Variants in RPS6KC1 observed in about 807,000 individuals in gnomAD.
RPS6KC1 encodes inactive ribosomal protein S6 kinase delta-1.
Under a neutral mutation model 103.8 loss-of-function variants are expected in RPS6KC1, and 54 were observed. That is an observed-to-expected ratio of 0.52 (90% CI 0.42 to 0.65). RPS6KC1 has a LOEUF of 0.65. RPS6KC1 is among the 30% of genes least tolerant of loss of function. RPS6KC1 has a pLI of 0.00. For synonymous variants in RPS6KC1, 439 were observed against 438.7 expected (o/e 1.00, Z -0.01); for missense variants, 1,151 against 1,253.8 (o/e 0.92, Z 1.24).
intron 5 of RPS6KC1, among the ~76,000 whole-genome samples, chr1:213,127,569 A>G (rs1047464421): frequency 6.6e-6 from 1 of 152,162 alleles, no homozygotes; most frequent in Non-Finnish European, 1.5e-5. Context: ...TGAAAGAACA[A>G]TTAACAAACT....
chr1:213,319,196 C>T, the RPS6KC1 span, among the ~76,000 whole-genome samples: 8 of 151,334 alleles, frequency 5.3e-5, no homozygotes, highest in Non-Finnish European at 1.2e-4. Context: ...ATCCCAGCTA[C>T]TCGGGAGGCT....
the RPS6KC1 span, among the ~76,000 whole-genome samples, chr1:213,438,255 C>A: frequency 6.6e-6 from 1 of 152,078 alleles, no homozygotes; most frequent in Non-Finnish European, 1.5e-5. Context: ...ATATCTGGAT[C>A]ATTTTTGAGT....
At chr1:213,745,434 A>G in the RPS6KC1 span, among the ~76,000 whole-genome samples, 25 of 152,176 alleles carry the variant, frequency 1.6e-4, no homozygotes, top group African/African-American at 5.8e-4. Context: ...AAAAAAAAAA[A>G]AAACACTTTC....
At chr1:213,119,909 T>C (rs2084194385) in intron 5 of RPS6KC1, among the ~76,000 whole-genome samples, 1 of 152,138 alleles carries the variant, frequency 6.6e-6, no homozygotes, top group African/African-American at 2.4e-5. Flanking sequence ...CTGGGACACT[T>C]CTGAGAATTA....
At chr1:213,432,005 T>C in the RPS6KC1 span, among the ~76,000 whole-genome samples, 3 of 152,214 alleles carry the variant, frequency 2.0e-5, no homozygotes, top group Non-Finnish European at 4.4e-5. Flanking sequence ...GGGCATACTG[T>C]ATCTCATTGC....
At chr1:213,765,053 C>T in the RPS6KC1 span, among the ~76,000 whole-genome samples, 2 of 152,316 alleles carry the variant, frequency 1.3e-5, no homozygotes, top group East Asian at 3.9e-4. Context: ...GCCACCAGCC[C>T]TTGGACACCC....
At chr1:213,158,176 A>T (rs907289409) in intron 6 of RPS6KC1, among the ~76,000 whole-genome samples, 3 of 152,196 alleles carry the variant, frequency 2.0e-5, no homozygotes, top group Admixed American at 6.5e-5. Context: ...TTGACAATGT[A>T]TAGAATTCAG....
the RPS6KC1 span, among the ~76,000 whole-genome samples, chr1:213,454,998 T>G: frequency 6.6e-6 from 1 of 152,154 alleles, no homozygotes; most frequent in Admixed American, 6.5e-5. Flanking sequence ...TTTCAACAGG[T>G]GCCTCAGGGA....
chr1:213,593,593 G>A, the RPS6KC1 span, among the ~76,000 whole-genome samples: 1 of 152,196 alleles, frequency 6.6e-6, no homozygotes, highest in Non-Finnish European at 1.5e-5. Flanking sequence ...GTCAGGAAGG[G>A]CTTTAGGGAG....
chr1:213,483,752 G>A, the RPS6KC1 span, among the ~76,000 whole-genome samples: 4 of 152,226 alleles, frequency 2.6e-5, no homozygotes, highest in African/African-American at 9.6e-5. Context: ...CTAGCATAAA[G>A]AGTGACTCCT....
At chr1:213,503,646 T>C in the RPS6KC1 span, among the ~76,000 whole-genome samples, 1 of 152,240 alleles carries the variant, frequency 6.6e-6, no homozygotes, top group Non-Finnish European at 1.5e-5. Context: ...TCTATTTCTA[T>C]ATCTAGAGAT....
the RPS6KC1 span, among the ~76,000 whole-genome samples, chr1:213,537,570 T>G: frequency 6.6e-6 from 1 of 152,106 alleles, no homozygotes; most frequent in Non-Finnish European, 1.5e-5. Flanking sequence ...ACAGAAGCCT[T>G]TATAAAAATG....
chr1:213,396,072 G>A, the RPS6KC1 span, among the ~76,000 whole-genome samples: 11 of 152,332 alleles, frequency 7.2e-5, no homozygotes, highest in East Asian at 2.1e-3. Context: ...AGGCTTAGGG[G>A]AGGGATGGGA....
chr1:213,479,917 A>G, the RPS6KC1 span, among the ~76,000 whole-genome samples: 2 of 151,962 alleles, frequency 1.3e-5, no homozygotes, highest in African/African-American at 2.4e-5. Context: ...ATACAAAGGT[A>G]CCCTGTAAAT....
At chr1:213,786,140 G>A in the RPS6KC1 span, among the ~76,000 whole-genome samples, 54 of 152,244 alleles carry the variant, frequency 3.5e-4, no homozygotes, top group African/African-American at 1.2e-3. Context: ...AGAAAAGAAA[G>A]GTTCAATGAT....
intron 6 of RPS6KC1, among the ~76,000 whole-genome samples, chr1:213,136,595 C>T (rs371994723): frequency 7.2e-5 from 11 of 152,260 alleles, no homozygotes; most frequent in Admixed American, 2.0e-4. Flanking sequence ...TGTTCTCTTA[C>T]ATGTTTCTTA....
At chr1:213,267,472 C>T (rs1194781016) in intron 14 of RPS6KC1, among the ~76,000 whole-genome samples, 3 of 151,870 alleles carry the variant, frequency 2.0e-5, no homozygotes, top group African/African-American at 4.8e-5. Context: ...AATATACTAT[C>T]TAAAATGTCC....
intron 1 of RPS6KC1, among the ~76,000 whole-genome samples, chr1:213,064,670 TGTGAAC>T (rs2078146937): frequency 1.4e-5 from 2 of 138,732 alleles, no homozygotes; most frequent in East Asian, 2.1e-4. Flanking sequence ...GCCTGGCCTT[TGTGAAC>T]TTTTTTTTTT....
chr1:213,181,122 C>A (rs1045908941), intron 8 of RPS6KC1, among the ~76,000 whole-genome samples: 2 of 152,156 alleles, frequency 1.3e-5, no homozygotes, highest in Non-Finnish European at 2.9e-5. Flanking sequence ...TGACTTGAAA[C>A]CCAGAGTATA....
Sources: gnomAD v4.1 joint callset for allele counts (sites outside exome capture counted in the v4.1 genomes callset) on GRCh38, gnomAD v4.1.1 for gene constraint, MANE v1.5 for transcripts, NCBI Gene and HGNC (gene_info 2026-07-23, HGNC 2026-07-21) for gene names.